The following PCDHA9 variants were observed in gnomAD, a reference collection of about 807,000 sequenced individuals.
The protein encoded by PCDHA9 is protocadherin alpha-9.
PCDHA9 carries 62 observed loss-of-function variants against 62.0 expected under a neutral mutation model. The ratio of observed to expected loss-of-function variants is 1.00; its 90% CI spans 0.81 to 1.23. The LOEUF is 1.23. PCDHA9 is among the 50% of genes most tolerant of loss of function. PCDHA9 has a pLI of 0.00. For missense variants in PCDHA9, 1,205 were observed against 1,249.8 expected (o/e 0.96, Z 0.54); for synonymous variants, 557 against 567.6 (o/e 0.98, Z 0.27).
intron 1 of PCDHA9, chr5:140,966,860 T>C (rs1586162562): frequency 3.2e-6 from 5 of 1,577,484 alleles, no homozygotes; most frequent in East Asian, 2.3e-5. Context: ...CCTGCTGCTG[T>C]TGCTGCTGCT....
intron 2 of PCDHA9, among the ~76,000 whole-genome samples, chr5:140,980,164 G>A (rs187011465): frequency 1.6e-3 from 238 of 152,226 alleles, no homozygotes; most frequent in Middle Eastern, 6.8e-3. Context: ...AGAATATTAG[G>A]TATCAGAAGA....
At chr5:140,868,908 CTTGGTG>C in intron 1 of PCDHA9, 1 of 882,188 alleles carries the variant, frequency 1.1e-6, no homozygotes, top group Non-Finnish European at 1.7e-6. Flanking sequence ...TCGCTCTTTA[CTTGGTG>C]GAAAGTTCAT....
In PCDHA9 at chr5:141,000,416, TATATA is replaced by T. The variant is rs1214257718; in HGVS notation, c.2543-9210_2543-9206del. On this transcript the variant is annotated intron_variant, in intron 3 of 3. Coordinates refer to ENST00000532602, the MANE Select transcript of PCDHA9 (RefSeq NM_031857.2). ...CTCTCTATATATATATATATATATA[TATATA>T]TTTTTTTTTTTTTTTTTTTTTTTGA... 2.1e-3 allele frequency among the ~76,000 whole-genome samples: 195 copies of T among 93,382 alleles called. 1 individual carries two copies. Among genetic ancestry groups the T allele is most frequent in the African/African-American group, 4.2e-3 (94 of 22,362 alleles). 61.3% of individuals were successfully genotyped at this position (93,382 alleles called of 152,430 possible). A position where few individuals can be genotyped will look rare whatever the true frequency, so the allele number is the denominator to read the frequency against.
At chr5:140,868,958 T>C (rs1033698977) in intron 1 of PCDHA9, 1 of 1,397,386 alleles carries the variant, frequency 7.2e-7, no homozygotes, top group African/African-American at 1.4e-5. Context: ...GGCACTCCCA[T>C]ACAAAGGAAC....
chr5:140,873,436 A>G (rs1159512158), intron 1 of PCDHA9, among the ~76,000 whole-genome samples: 1 of 152,214 alleles, frequency 6.6e-6, no homozygotes, highest in Non-Finnish European at 1.5e-5. Flanking sequence ...TTTATATCAC[A>G]TAAATAACAA....
rs3776115 is a variant in PCDHA9 at position 140,970,956 on chromosome 5, G to A, written c.2395-7993G>A. Among the ~76,000 whole-genome samples, 119 of 152,278 alleles carry A rather than the reference G, an allele frequency of 7.8e-4. 3 individuals carry two copies. In the East Asian group the frequency reaches 0.019, roughly 25 times the overall value. On this transcript the variant is annotated intron_variant, in intron 1 of 3. Coordinates refer to ENST00000532602, the MANE Select transcript of PCDHA9 (RefSeq NM_031857.2). The stretch of plus-strand genomic sequence containing the variant: ...TAGTCAATGCTGAGAAACCATGGGA[G>A]GCAGATTGTAGATTAAGAAAAATGG...
chr5:140,982,324 C>G, intron 2 of PCDHA9, 151 bp from the exon 3 acceptor site: 2 of 1,393,878 alleles, frequency 1.4e-6, no homozygotes, highest in East Asian at 5.1e-5. Context: ...TGCAGGGTGA[C>G]TGCTCAGCAG....
intron 1 of PCDHA9, among the ~76,000 whole-genome samples, chr5:140,872,922 T>C (rs1468048382): frequency 6.6e-6 from 1 of 152,218 alleles, no homozygotes; most frequent in African/African-American, 2.4e-5. Flanking sequence ...ATGCCTTATC[T>C]CTAATGTTTT....
At chr5:140,884,391 C>G in intron 1 of PCDHA9, 1 of 1,613,982 alleles carries the variant, frequency 6.2e-7, no homozygotes, top group Non-Finnish European at 8.5e-7. Flanking sequence ...TGCGCGGTGT[C>G]CAGCCTGTTG....
intron 1 of PCDHA9, among the ~76,000 whole-genome samples, chr5:140,911,247 A>G (rs2075389238): frequency 6.6e-6 from 1 of 152,124 alleles, no homozygotes; most frequent in Non-Finnish European, 1.5e-5. Context: ...AAAAAGTTTC[A>G]TCAGAATTTA....
chr5:140,857,755 T>G (rs1427129030), intron 1 of PCDHA9: 1 of 1,597,184 alleles, frequency 6.3e-7, no homozygotes, highest in Non-Finnish European at 8.6e-7. Flanking sequence ...CGTCTCCCGC[T>G]GGCAGCGCGG....
At chr5:140,998,738 A>G (rs1163158052) in intron 3 of PCDHA9, among the ~76,000 whole-genome samples, 1 of 151,972 alleles carries the variant, frequency 6.6e-6, no homozygotes, top group Non-Finnish European at 1.5e-5. Context: ...CTAATTTTGT[A>G]TTTTTAGAAG....
At chr5:140,873,204 T>TAAAAG (rs2054159059) in intron 1 of PCDHA9, among the ~76,000 whole-genome samples, 1 of 152,168 alleles carries the variant, frequency 6.6e-6, no homozygotes, top group Non-Finnish European at 1.5e-5. Flanking sequence ...AAAACATTCT[T>TAAAAG]TAAGTATTAA....
intron 1 of PCDHA9, chr5:140,929,001 G>A (rs782325865): frequency 6.2e-7 from 1 of 1,613,996 alleles, no homozygotes; most frequent in East Asian, 2.2e-5. Context: ...TTTTCTTCGT[G>A]TGTACCAAGT....
chr5:140,969,049 C>A, intron 1 of PCDHA9: 1 of 1,614,142 alleles, frequency 6.2e-7, no homozygotes, highest in Non-Finnish European at 8.5e-7. Context: ...AACAAGCCAA[C>A]AACAATATTG....
intron 1 of PCDHA9, chr5:140,856,300 T>C (rs1251498133): frequency 1.3e-6 from 2 of 1,598,422 alleles, no homozygotes; most frequent in African/African-American, 2.7e-5. Context: ...GCATTTTGTT[T>C]GTGAATTCTC....
intron 1 of PCDHA9, among the ~76,000 whole-genome samples, chr5:140,910,225 T>C (rs1194368347): frequency 6.6e-6 from 1 of 152,232 alleles, no homozygotes; most frequent in Non-Finnish European, 1.5e-5. Flanking sequence ...TTTCTGCTTA[T>C]ATAAATTAAA....
chr5:140,921,002 C>T (rs909094860), intron 1 of PCDHA9, among the ~76,000 whole-genome samples: 4 of 151,934 alleles, frequency 2.6e-5, no homozygotes, highest in Admixed American at 6.6e-5. Context: ...TTTTCAGAGT[C>T]AGGGTCTTGC....
rs550197512 is a variant in PCDHA9, at chr5:140,883,885, C to G, written c.2394+32996C>G. On this transcript the variant is annotated intron_variant, in intron 1 of 3. Coordinates refer to ENST00000532602, the MANE Select transcript of PCDHA9 (RefSeq NM_031857.2). ...TGCAGTTCCAGGTGAGCGCGCGCGA[C>G]TCTGGCGTGCCGCCTCTGGGCAGCA... The G allele has an allele frequency of 6.1e-5, 99 of 1,613,382 alleles. No homozygotes were observed. Among genetic ancestry groups the G allele is most frequent in the East Asian group, 1.6e-4 (7 of 44,866 alleles).
Sources: allele counts gnomAD v4.1 joint callset (sites outside exome capture counted in the v4.1 genomes callset), GRCh38; gene constraint gnomAD v4.1.1; transcripts MANE v1.5; gene names NCBI Gene and HGNC (gene_info 2026-07-23, HGNC 2026-07-21).